ATP5MC2: variants seen among roughly 807,000 people sequenced by gnomAD.
ATP5MC2 encodes the protein ATP synthase membrane subunit c locus 2.
A neutral mutation model predicts 13.5 loss-of-function variants in ATP5MC2; 11 were observed. That is an observed-to-expected ratio of 0.81 (90% CI 0.51 to 1.35). The LOEUF is 1.35. ATP5MC2 is among the 40% of genes most tolerant of loss of function. ATP5MC2 has a pLI of 0.00. For missense variants in ATP5MC2, 132 were observed against 175.0 expected (o/e 0.75, Z 1.39); for synonymous variants, 64 against 69.7 (o/e 0.92, Z 0.41).
chr12:53,666,025 G>A (rs1050201194), intron 4 of ATP5MC2, among the ~76,000 whole-genome samples: 38 of 152,274 alleles, frequency 2.5e-4, no homozygotes, highest in African/African-American at 8.9e-4. Flanking sequence ...AACTACAAAT[G>A]GGCTGGGTGC....
chr12:53,676,155 GAT>G (rs1945266277), upstream of ATP5MC2: 7 of 1,614,150 alleles, frequency 4.3e-6, no homozygotes, highest in Non-Finnish European at 5.9e-6. Context: ...CTCAGCCACG[GAT>G]AGAGTGATTG....
intron 1 of ATP5MC2, 44 bp downstream of exon 1, chr12:53,676,009 G>A (rs751410645): frequency 6.3e-7 from 1 of 1,599,442 alleles, no homozygotes; most frequent in Non-Finnish European, 8.5e-7. Context: ...GGTGTCCCGC[G>A]CGCGTGCGCA....
intron 1 of ATP5MC2, among the ~76,000 whole-genome samples, chr12:53,675,497 C>T (rs1211873597): frequency 1.3e-5 from 2 of 152,200 alleles, no homozygotes; most frequent in Non-Finnish European, 2.9e-5. Context: ...CACAACCTAA[C>T]GGGAGGCGAT....
At chr12:53,667,997 ATT>A (rs59042234) in intron 4 of ATP5MC2, among the ~76,000 whole-genome samples, 38 of 126,830 alleles carry the variant, frequency 3.0e-4, no homozygotes, top group African/African-American at 6.8e-4. Flanking sequence ...ATATATATAA[ATT>A]TTTTTTTTTT....
At position 53,669,740 on chromosome 12, in the gene ATP5MC2, C is replaced by T. The variant is rs151237944; in HGVS notation, c.117+131G>A. 6.5e-4 allele frequency: 629 copies of T among 966,650 alleles called. 3 individuals are homozygous for T. In the African/African-American group the frequency reaches 8.6e-3, roughly 13 times the overall value. 59.9% of individuals were successfully genotyped at this position (966,650 alleles called of 1,614,324 possible). A position where few individuals can be genotyped will look rare whatever the true frequency, so the allele number is the denominator to read the frequency against. On this transcript the variant is annotated intron_variant, in intron 3 of 4. Coordinates refer to ENST00000394349, the MANE Select transcript of ATP5MC2 (RefSeq NM_005176.7). Reference sequence around the variant, plus strand: ...AAGTGTCCTCCATCTCCACCTAAAGCCCATGGCCTTGGCCATTCATGAATT... The same window carrying T: ...AAGTGTCCTCCATCTCCACCTAAAGTCCATGGCCTTGGCCATTCATGAATT...
chr12:53,675,539 T>C (rs574574248), intron 1 of ATP5MC2, among the ~76,000 whole-genome samples: 9 of 152,330 alleles, frequency 5.9e-5, no homozygotes, highest in African/African-American at 2.2e-4. Flanking sequence ...TCTACCATGT[T>C]CAAGGTTTAC....
intron 4 of ATP5MC2, among the ~76,000 whole-genome samples, chr12:53,666,727 T>C (rs1159922395): frequency 6.6e-6 from 1 of 151,288 alleles, no homozygotes; most frequent in Admixed American, 6.6e-5. Flanking sequence ...ACAGTTGCAC[T>C]CCAGCCTGGG....
At chr12:53,668,620 G>A (rs1435989170) in intron 4 of ATP5MC2, among the ~76,000 whole-genome samples, 1 of 152,020 alleles carries the variant, frequency 6.6e-6, no homozygotes, top group Non-Finnish European at 1.5e-5. Context: ...TATTTGCATT[G>A]TTGAATATGG....
chr12:53,670,435 T>C (rs1253929201), intron 2 of ATP5MC2, among the ~76,000 whole-genome samples: 1 of 152,200 alleles, frequency 6.6e-6, no homozygotes, highest in Non-Finnish European at 1.5e-5. Flanking sequence ...TTACATTAGC[T>C]TACAGTTAGG....
At chr12:53,675,522 T>C (rs1436635697) in intron 1 of ATP5MC2, among the ~76,000 whole-genome samples, 1 of 152,216 alleles carries the variant, frequency 6.6e-6, no homozygotes, top group Non-Finnish European at 1.5e-5. Flanking sequence ...TGGCTTTTTT[T>C]CCCACTTCTA....
upstream of ATP5MC2, chr12:53,676,390 G>C: frequency 1.4e-6 from 1 of 703,810 alleles, no homozygotes; most frequent in East Asian, 2.9e-5. Flanking sequence ...AGCATGCGCA[G>C]TCGTCACACT....
upstream of ATP5MC2, chr12:53,676,366 G>A: frequency 1.1e-6 from 1 of 904,836 alleles, no homozygotes; most frequent in South Asian, 1.8e-5. Flanking sequence ...TCTCGGACTT[G>A]CGTCCCCTTT....
rs1187945572 is a variant in ATP5MC2 at position 53,669,941 on chromosome 12, C to T, written c.47G>A (p.Ser16Asn). 6.2e-7 allele frequency: 1 copy of T among 1,613,786 alleles called. No homozygotes were observed. The highest frequency in any genetic ancestry group is 2.2e-5 in the East Asian group (1 of 44,894). ...CGGACGGCTCAGCAGCTGTGAGGTG[C>T]TCTTGACCTAGCAGGAATGACATAC... The part of the protein sequence containing the change: ...KFVSTPSLVK[S>N]TSQLLSRPLS... The change falls in exon 3 of 5, where the codon AGC (serine) becomes AAC (asparagine). Residue 16 changes from serine to asparagine, a missense_variant. Transcript: ENST00000394349.
Position 53,666,943 on chromosome 12 carries a change from C to CAAAAAAAA in ATP5MC2, c.312-1523_312-1516dup, listed in dbSNP as rs58565014. Among the ~76,000 whole-genome samples, 114 of 103,392 alleles carry CAAAAAAAA rather than the reference C, an allele frequency of 1.1e-3. 2 individuals carry two copies. The highest frequency in any genetic ancestry group is 4.0e-3 in the African/African-American group (113 of 28,214). The allele number at this position is 103,392 out of a possible 152,430, so 67.8% of individuals were successfully genotyped here. On this transcript the variant is annotated intron_variant, in intron 4 of 4. Transcript: ENST00000394349. ...TCTGGGAGACAGCGAGACTCAGTCT[C>CAAAAAAAA]AAAAAAAAAAAAAAAAAAGAAGTTA... is the stretch of plus-strand genomic sequence containing the variant.
rs1272687841 is a variant in ATP5MC2, at chr12:53,665,270, G to A, written c.*44C>T. The A allele has an allele frequency of 2.0e-6, 3 of 1,533,038 alleles. No homozygotes were observed. Among genetic ancestry groups the A allele is most frequent in the Admixed American group, 1.9e-5 (1 of 52,888 alleles). The allele number at this position is 1,533,038 out of a possible 1,614,324, so 95.0% of individuals were successfully genotyped here. A position where few individuals can be genotyped will look rare whatever the true frequency, so the allele number is the denominator to read the frequency against. Reference sequence around the variant, plus strand: ...AGGTATAGGAAAAGGAACACACGGGGCCAACCAGACGCGGGAGAACTATGG... The same window carrying A: ...AGGTATAGGAAAAGGAACACACGGGACCAACCAGACGCGGGAGAACTATGG... On this transcript the variant is annotated 3_prime_UTR_variant, in exon 5 of 5. Coordinates refer to ENST00000394349, the MANE Select transcript of ATP5MC2 (RefSeq NM_005176.7).
chr12:53,669,134 C>T lies in ATP5MC2; in HGVS notation c.311+14G>A. On this transcript the variant is annotated intron_variant, in intron 4 of 4. Transcript: ENST00000394349. The stretch of plus-strand genomic sequence containing the variant: ...GCATATCAGATAACCAGTGGAGGGT[C>T]CAACTTATCTTACCTGGCATAACCA... 12 of 1,598,126 alleles carry T rather than the reference C, an allele frequency of 7.5e-6. No individual in the cohort carries two copies. Among genetic ancestry groups the T allele is most frequent in the Non-Finnish European group, 1.0e-5 (12 of 1,171,482 alleles).
chr12:53,680,288 A>C (rs1945333881), upstream of ATP5MC2, among the ~76,000 whole-genome samples: 1 of 152,216 alleles, frequency 6.6e-6, no homozygotes, highest in Non-Finnish European at 1.5e-5. Flanking sequence ...GCCCAGCCAC[A>C]ACCAATATTT....
At chr12:53,667,956 C>CATATATAT (rs772110168) in intron 4 of ATP5MC2, among the ~76,000 whole-genome samples, 3,445 of 65,586 alleles carry the variant, frequency 0.053, 287 homozygotes, top group Non-Finnish European at 0.084. Flanking sequence ...CATACACACA[C>CATATATAT]ATATATATAT....
chr12:53,670,139 C>T (rs1461916076), intron 2 of ATP5MC2, 191 bp from the exon 3 acceptor site: 4 of 633,194 alleles, frequency 6.3e-6, no homozygotes, highest in Non-Finnish European at 1.2e-5. Context: ...CACACCATTT[C>T]TCTTGCTTCT....
Sources: gnomAD v4.1 joint callset for allele counts (sites outside exome capture counted in the v4.1 genomes callset) on GRCh38, gnomAD v4.1.1 for gene constraint, MANE v1.5 for transcripts, NCBI Gene and HGNC (gene_info 2026-07-23, HGNC 2026-07-21) for gene names.